CCNB1IP1: variants seen among roughly 807,000 people sequenced by gnomAD.
CCNB1IP1 encodes the protein E3 ubiquitin-protein ligase CCNB1IP1.
In CCNB1IP1, 14 loss-of-function variants were observed where a neutral mutation model predicts 25.6. The ratio of observed to expected loss-of-function variants is 0.55; its 90% CI spans 0.36 to 0.85. The LOEUF (loss-of-function observed/expected upper bound fraction) is 0.85. Among genes scored for constraint, CCNB1IP1 ranks in the 40% least tolerant of loss-of-function variants. The pLI, the probability that CCNB1IP1 is intolerant of heterozygous loss-of-function variation, is 0.01. For synonymous variants in CCNB1IP1, 119 were observed against 116.1 expected, an observed-to-expected ratio of 1.02 and a Z score of -0.16; for missense variants, 278 against 342.4, an observed-to-expected ratio of 0.81 and a Z score of 1.48.
At chr14:20,332,013 T>TATATATGATGTGTATATAAAA (rs1263515240) in intron 1 of CCNB1IP1, among the ~76,000 whole-genome samples, 2 of 75,708 alleles carry the variant, frequency 2.6e-5, no homozygotes, top group African/African-American at 7.0e-5. Context: ...TACATATATA[T>TATATATGATGTGTATATAAAA]ATATATATAT....
intron 1 of CCNB1IP1, among the ~76,000 whole-genome samples, chr14:20,332,392 C>T (rs925292583): frequency 1.0e-4 from 10 of 99,290 alleles, no homozygotes; most frequent in African/African-American, 4.7e-4. Context: ...CATTGAAGGT[C>T]ACTAAGCAAA....
In CCNB1IP1 at chr14:20,316,455, T is replaced by C. The variant is rs770898928; in HGVS notation, c.69A>G (p.Ala23=). 1 of 1,613,722 alleles carries C rather than the reference T, an allele frequency of 6.2e-7. No homozygotes were observed. Among genetic ancestry groups the C allele is most frequent in the Non-Finnish European group, 8.5e-7 (1 of 1,179,984 alleles). ...RKCRIKLSGY[A]WVTACSHIFC... ...AGATGTGAGAGCAGGCAGTGACCCATGCATAGCCAGAGAGTTTGATGCGAC... is the reference window on the plus strand; with the variant it reads ...AGATGTGAGAGCAGGCAGTGACCCACGCATAGCCAGAGAGTTTGATGCGAC... The change falls in exon 5 of 7, where the codon GCA becomes GCG. Residue 23 remains alanine, a synonymous_variant. Transcript: ENST00000358932.
chr14:20,332,544 CG>C (rs1883284059), intron 1 of CCNB1IP1, among the ~76,000 whole-genome samples: 1 of 152,140 alleles, frequency 6.6e-6, no homozygotes, highest in Non-Finnish European at 1.5e-5. Flanking sequence ...AGCTAAGCCT[CG>C]GAATGGCTCA....
At chr14:20,321,475 C>T (rs1207699479) in intron 4 of CCNB1IP1, among the ~76,000 whole-genome samples, 4 of 149,518 alleles carry the variant, frequency 2.7e-5, no homozygotes, top group South Asian at 2.1e-4. Flanking sequence ...TTTTTTGAGA[C>T]GGAGTCTTGC....
At chr14:20,322,777 C>T (rs1024254076) in intron 4 of CCNB1IP1, among the ~76,000 whole-genome samples, 1 of 152,006 alleles carries the variant, frequency 6.6e-6, no homozygotes, top group African/African-American at 2.4e-5. Flanking sequence ...TGTACACCAC[C>T]ATGCCCAACT....
At chr14:20,332,989 T>C (rs1883297642) in intron 1 of CCNB1IP1, 1 of 152,206 alleles carries the variant, frequency 6.6e-6, no homozygotes, top group Admixed American at 6.5e-5. Flanking sequence ...ACACGCACTG[T>C]GCACATGAAG....
intron 4 of CCNB1IP1, among the ~76,000 whole-genome samples, chr14:20,321,583 C>T (rs1882896800): frequency 6.6e-6 from 1 of 152,104 alleles, no homozygotes; most frequent in African/African-American, 2.4e-5. Flanking sequence ...TCCCGCATAG[C>T]TGGGACTACA....
intron 2 of CCNB1IP1, 144 bp downstream of exon 2, chr14:20,329,030 T>C (rs144355143): frequency 4.7e-4 from 72 of 152,340 alleles, no homozygotes; most frequent in African/African-American, 1.6e-3. Context: ...AAATTGATAC[T>C]AAATCAGCAG....
chr14:20,324,281 G>A (rs1424521468), intron 4 of CCNB1IP1, among the ~76,000 whole-genome samples: 1 of 152,164 alleles, frequency 6.6e-6, no homozygotes, highest in Non-Finnish European at 1.5e-5. Flanking sequence ...CTGCCTCCCA[G>A]ATTCAAGCGA....
chr14:20,316,545 G>T lies in CCNB1IP1; in HGVS notation c.-22C>A. 2 of 1,587,134 alleles carry T rather than the reference G, an allele frequency of 1.3e-6. No homozygotes were observed. The highest frequency in any genetic ancestry group is 1.7e-6 in the Non-Finnish European group (2 of 1,166,672). ...ACATAATAGGATAGTGAGGTCTCCA[G>T]AAGCTGAAGAGAGGCCTAAGAAGGG... On this transcript the variant is annotated 5_prime_UTR_variant, in exon 5 of 7. It adds an upstream start codon to the 5' untranslated region. Transcript: ENST00000358932.
intron 1 of CCNB1IP1, chr14:20,330,556 A>AT (rs1433306108): frequency 6.6e-6 from 1 of 152,066 alleles, no homozygotes; most frequent in Non-Finnish European, 1.5e-5. Flanking sequence ...GGTCACTCAT[A>AT]TAGTACTCAT....
At chr14:20,327,220 A>G (rs1392439367) in intron 2 of CCNB1IP1, among the ~76,000 whole-genome samples, 1 of 152,186 alleles carries the variant, frequency 6.6e-6, no homozygotes, top group Non-Finnish European at 1.5e-5. Flanking sequence ...AAGGTCAACA[A>G]CCTCACAGTA....
At chr14:20,312,259 C>A (rs189593291) in intron 6 of CCNB1IP1, among the ~76,000 whole-genome samples, 2 of 152,192 alleles carry the variant, frequency 1.3e-5, no homozygotes, top group East Asian at 1.9e-4. Flanking sequence ...ATCTATAATG[C>A]CCATTTACAG....
chr14:20,332,027 T>TATATATATATATATATATATATA (rs1555314508), intron 1 of CCNB1IP1, among the ~76,000 whole-genome samples: 1 of 33,652 alleles, frequency 3.0e-5, no homozygotes, highest in African/African-American at 1.1e-4. Flanking sequence ...TATATATATA[T>TATATATATATATATATATATATA]TTTTTTTTTT....
intron 3 of CCNB1IP1, 174 bp downstream of exon 3, chr14:20,326,542 A>T (rs760341930): frequency 1.9e-6 from 1 of 534,332 alleles, no homozygotes; most frequent in Non-Finnish European, 3.8e-6. Context: ...TGACTGAGGA[A>T]GGGCAAACCA....
At chr14:20,320,271 G>A (rs1454154649) in intron 4 of CCNB1IP1, 4 of 453,250 alleles carry the variant, frequency 8.8e-6, no homozygotes, top group Non-Finnish European at 1.3e-5. Context: ...CCAACATAAA[G>A]AGTCTGAATA....
chr14:20,323,843 G>A (rs1882977077), intron 4 of CCNB1IP1, among the ~76,000 whole-genome samples: 1 of 150,906 alleles, frequency 6.6e-6, no homozygotes, highest in Admixed American at 6.6e-5. Flanking sequence ...GCGTGAACCT[G>A]GGAGGCGGAG....
Position 20,327,095 on chromosome 14 carries a change from T to C in CCNB1IP1, c.-230-302A>G, listed in dbSNP as rs371115960. On this transcript the variant is annotated intron_variant, in intron 2 of 6. Coordinates refer to ENST00000358932, the MANE Select transcript of CCNB1IP1 (RefSeq NM_021178.5). ...CGTCTCGAACAAAACAAAAAAAATT[T>C]AACAACAACAACAAAAAAAAACCGA... 2.1e-3 allele frequency among the ~76,000 whole-genome samples: 311 copies of C among 151,528 alleles called. 5 individuals are homozygous for C. The Middle Eastern group carries it at 0.024, about 12-fold the overall frequency.
intron 4 of CCNB1IP1, among the ~76,000 whole-genome samples, chr14:20,322,613 A>G (rs1347757888): frequency 6.9e-6 from 1 of 144,562 alleles, no homozygotes; most frequent in African/African-American, 2.6e-5. Flanking sequence ...TTTTATATAT[A>G]TATATATAAT....
Sources: allele counts gnomAD v4.1 joint callset (sites outside exome capture counted in the v4.1 genomes callset), GRCh38; gene constraint gnomAD v4.1.1; transcripts MANE v1.5; gene names NCBI Gene and HGNC (gene_info 2026-07-23, HGNC 2026-07-21).